Variants in CXADR observed in about 807,000 individuals in gnomAD.
CXADR encodes the protein coxsackievirus and adenovirus receptor.
Under a neutral mutation model 40.3 loss-of-function variants are expected in CXADR, and 20 were observed. The ratio of observed to expected loss-of-function variants is 0.50; its 90% CI spans 0.35 to 0.72. The LOEUF (loss-of-function observed/expected upper bound fraction) is 0.72, where lower values mean the gene tolerates loss of function less well. CXADR is among the 30% of genes least tolerant of loss of function. CXADR has a pLI of 0.01. For synonymous variants in CXADR, 150 were observed against 161.3 expected (o/e 0.93, Z 0.53); for missense variants, 332 against 449.1 (o/e 0.74, Z 2.36).
chr21:17,598,775 C>T, the CXADR span: 2 of 1,614,146 alleles, frequency 1.2e-6, no homozygotes, highest in South Asian at 1.1e-5. Context: ...TTGTTCTCAT[C>T]TTTATTTTCA....
intron 1 of CXADR, among the ~76,000 whole-genome samples, chr21:17,532,173 T>A (rs954320767): frequency 2.6e-5 from 4 of 152,080 alleles, no homozygotes; most frequent in Non-Finnish European, 5.9e-5. Context: ...GCCTAAGCAG[T>A]CTTCCTGCCC....
chr21:17,626,084 G>A, the CXADR span, among the ~76,000 whole-genome samples: 1 of 152,130 alleles, frequency 6.6e-6, no homozygotes, highest in East Asian at 1.9e-4. Flanking sequence ...TTCATTTGCA[G>A]CTGGTCTACC....
downstream of CXADR, among the ~76,000 whole-genome samples, chr21:17,574,542 C>CAT (rs2061304843): frequency 6.6e-6 from 1 of 152,134 alleles, no homozygotes; most frequent in Admixed American, 6.5e-5. Flanking sequence ...AGCCATGCAA[C>CAT]ATATAAAATG....
At chr21:17,557,538 C>G (rs2061052488) in intron 3 of CXADR, among the ~76,000 whole-genome samples, 1 of 152,184 alleles carries the variant, frequency 6.6e-6, no homozygotes, top group South Asian at 2.1e-4. Flanking sequence ...ACACTTGCTC[C>G]TTGTCAGTTT....
At chr21:17,581,155 T>C (rs1018886557) in intron 7 of CXADR, among the ~76,000 whole-genome samples, 3 of 152,218 alleles carry the variant, frequency 2.0e-5, no homozygotes, top group Non-Finnish European at 4.4e-5. Context: ...CAAAACTGTA[T>C]AGTGTTACAT....
chr21:17,526,055 G>A (rs889235673), intron 1 of CXADR, among the ~76,000 whole-genome samples: 3 of 152,006 alleles, frequency 2.0e-5, no homozygotes, highest in Admixed American at 6.6e-5. Flanking sequence ...AATGTTTTTC[G>A]TACTTTGCCA....
the CXADR span, chr21:17,613,456 G>A: frequency 1.3e-5 from 2 of 152,320 alleles, no homozygotes; most frequent in African/African-American, 4.8e-5. Flanking sequence ...TAACCGTGCA[G>A]CCGCCCTGCT....
the CXADR span, among the ~76,000 whole-genome samples, chr21:17,610,318 C>T: frequency 6.6e-6 from 1 of 152,130 alleles, no homozygotes; most frequent in African/African-American, 2.4e-5. Context: ...GGGTGAATTG[C>T]ATGGTATATA....
chr21:17,607,702 T>C, the CXADR span, among the ~76,000 whole-genome samples: 3 of 152,312 alleles, frequency 2.0e-5, no homozygotes, highest in South Asian at 6.2e-4. Flanking sequence ...TTGATTTGTG[T>C]AGGAAACTTT....
At chr21:17,544,436 C>T (rs559460143) in intron 1 of CXADR, among the ~76,000 whole-genome samples, 109 of 152,272 alleles carry the variant, frequency 7.2e-4, no homozygotes, top group African/African-American at 2.3e-3. Flanking sequence ...ACTCTAGAGG[C>T]TTAAAACAAA....
Position 17,581,580 on chromosome 21 carries a change from A to C in CXADR, c.1018-11572A>C, listed in dbSNP as rs567265510. Among the ~76,000 whole-genome samples the C allele has an allele frequency of 2.7e-3, 413 of 152,266 alleles. 1 individual carries two copies. The highest frequency in any genetic ancestry group is 9.2e-3 in the African/African-American group (381 of 41,554). ...TTTGTAGGACCAGACACGGTGGCTC[A>C]CACCGGTAATCTCAGCACTTTGGGA... On this transcript the variant is annotated intron_variant, in intron 7 of 7. Transcript: ENST00000400169.
chr21:17,627,645 G>C, the CXADR span, among the ~76,000 whole-genome samples: 1 of 152,182 alleles, frequency 6.6e-6, no homozygotes. Context: ...AGAGAAGACT[G>C]TGAGTCACTT....
chr21:17,604,812 T>C, the CXADR span: 1 of 1,580,442 alleles, frequency 6.3e-7, no homozygotes, highest in Non-Finnish European at 8.6e-7. Flanking sequence ...TGTCATAAAA[T>C]TAGTTCCAGC....
At chr21:17,630,112 C>G in the CXADR span, among the ~76,000 whole-genome samples, 1 of 152,040 alleles carries the variant, frequency 6.6e-6, no homozygotes, top group Non-Finnish European at 1.5e-5. Context: ...ATATATTGGG[C>G]TCTTTCTTGA....
At position 17,569,938 on chromosome 21, in the gene CXADR, A is replaced by G. The variant is rs747545210; in HGVS notation, c.*4246A>G. ...TTCTGACACTTCACGTGTGCAAAGT[A>G]TAGAACTGACAGTGTCAGTTTCAGA... On this transcript the variant is annotated 3_prime_UTR_variant, in exon 7 of 7. Transcript: ENST00000284878. 8.1e-6 allele frequency: 8 copies of G among 985,482 alleles called. No individual in the cohort carries two copies. The highest frequency in any genetic ancestry group is 9.6e-6 in the Non-Finnish European group (8 of 829,942). The allele number at this position is 985,482 out of a possible 1,614,324, so 61.0% of individuals were successfully genotyped here.
intron 1 of CXADR, among the ~76,000 whole-genome samples, chr21:17,519,216 A>G (rs946764749): frequency 6.6e-6 from 1 of 152,216 alleles, no homozygotes; most frequent in Non-Finnish European, 1.5e-5. Context: ...GCACTAGATC[A>G]GAGGACAGGG....
chr21:17,559,540 A>G (rs1479958604), intron 4 of CXADR, among the ~76,000 whole-genome samples: 1 of 152,070 alleles, frequency 6.6e-6, no homozygotes. Context: ...TCTACATAGA[A>G]TAATCAGGAT....
chr21:17,584,466 G>A (rs1398144612), intron 7 of CXADR, among the ~76,000 whole-genome samples: 1 of 152,146 alleles, frequency 6.6e-6, no homozygotes, highest in African/African-American at 2.4e-5. Flanking sequence ...TCTTGCAAAC[G>A]TTCAAATGGT....
chr21:17,632,589 C>G, the CXADR span, among the ~76,000 whole-genome samples: 1 of 152,142 alleles, frequency 6.6e-6, no homozygotes. Context: ...GAAGAGAGGC[C>G]GGGCGTGGTG....
Sources: gnomAD v4.1 joint callset for allele counts (sites outside exome capture counted in the v4.1 genomes callset) on GRCh38, gnomAD v4.1.1 for gene constraint, MANE v1.5 for transcripts, NCBI Gene and HGNC (gene_info 2026-07-23, HGNC 2026-07-21) for gene names.